The following TRMT11 variants were observed in gnomAD, a reference collection of about 807,000 sequenced individuals.
The protein encoded by TRMT11 is tRNA (guanine(10)-N(2))-methyltransferase TRMT11.
A neutral mutation model predicts 62.8 loss-of-function variants in TRMT11; 53 were observed. The ratio of observed to expected loss-of-function variants is 0.84; its 90% confidence interval spans 0.68 to 1.06. The LOEUF (loss-of-function observed/expected upper bound fraction) is 1.06. Among genes scored for constraint, TRMT11 ranks in the 50% least tolerant of loss-of-function variants. The probability of loss-of-function intolerance (pLI) is 0.00; values close to 1 mark genes in which losing one functional copy is unlikely to be tolerated. For missense variants in TRMT11, 556 were observed against 553.4 expected (o/e 1.00, Z -0.05); for synonymous variants, 188 against 190.3 (o/e 0.99, Z 0.10).
intron 1 of TRMT11, among the ~76,000 whole-genome samples, chr6:126,195,250 T>G (rs1167652263): frequency 6.6e-6 from 1 of 152,230 alleles, no homozygotes; most frequent in African/African-American, 2.4e-5. Context: ...AAGCAAAAGA[T>G]TCTTAGTGAA....
At chr6:126,260,391 T>TA in the TRMT11 span, among the ~76,000 whole-genome samples, 77 of 152,346 alleles carry the variant, frequency 5.1e-4, no homozygotes, top group South Asian at 3.7e-3. Context: ...CCCTAGCCAC[T>TA]AATTGTAACT....
the TRMT11 span, among the ~76,000 whole-genome samples, chr6:126,260,661 T>C: frequency 4.6e-5 from 7 of 152,332 alleles, no homozygotes; most frequent in South Asian, 1.4e-3. Context: ...TAAAGGTCTT[T>C]ATTTCTCTTT....
chr6:126,189,304 A>G (rs1374870244), intron 1 of TRMT11, among the ~76,000 whole-genome samples: 1 of 152,174 alleles, frequency 6.6e-6, no homozygotes, highest in Non-Finnish European at 1.5e-5. Context: ...TGTTCAAGAC[A>G]GTGCTTCACA....
intron 12 of TRMT11, among the ~76,000 whole-genome samples, chr6:126,026,059 A>T (rs1337392500): frequency 6.6e-6 from 1 of 152,238 alleles, no homozygotes. Flanking sequence ...AAATTGCCTG[A>T]TAAGAAGGGC....
chr6:126,062,130 T>C (rs1776552683), intron 17 of TRMT11, among the ~76,000 whole-genome samples: 1 of 152,172 alleles, frequency 6.6e-6, no homozygotes, highest in Non-Finnish European at 1.5e-5. Context: ...AAGAGATCCG[T>C]CCACCTTGGC....
At chr6:126,254,764 C>A in the TRMT11 span, among the ~76,000 whole-genome samples, 1 of 152,068 alleles carries the variant, frequency 6.6e-6, no homozygotes, top group African/African-American at 2.4e-5. Context: ...CTGTTAAATG[C>A]CATTAGCTCA....
At chr6:126,088,606 G>A (rs1229200224) in intron 17 of TRMT11, among the ~76,000 whole-genome samples, 1 of 152,166 alleles carries the variant, frequency 6.6e-6, no homozygotes, top group Non-Finnish European at 1.5e-5. Flanking sequence ...TCTATCAACT[G>A]CCCAGTAATT....
the TRMT11 span, among the ~76,000 whole-genome samples, chr6:126,241,089 T>C: frequency 2.6e-5 from 4 of 152,314 alleles, no homozygotes; most frequent in South Asian, 8.3e-4. Context: ...ATGACCTGAT[T>C]TTCCAGGTGC....
chr6:126,238,126 G>A, the TRMT11 span, among the ~76,000 whole-genome samples: 30 of 152,024 alleles, frequency 2.0e-4, no homozygotes, highest in African/African-American at 5.3e-4. Context: ...TCTTGCTAGC[G>A]GTCTATCAAT....
At position 126,004,189 on chromosome 6, in the gene TRMT11, G is replaced by T. The variant is rs182145192; in HGVS notation, c.680-4203G>T. On this transcript the variant is annotated intron_variant, in intron 7 of 12. Transcript: ENST00000334379. ...TTAAAAAATATGGTTGCCAGTATGG[G>T]TAATATTTTTTTGTTGAGTAGATGA... Among the ~76,000 whole-genome samples the T allele has an allele frequency of 1.1e-4, 16 of 152,064 alleles. No individual in the cohort carries two copies. The East Asian group carries it at 3.1e-3, about 29-fold the overall frequency.
chr6:126,240,809 G>A, the TRMT11 span, among the ~76,000 whole-genome samples: 4 of 152,242 alleles, frequency 2.6e-5, no homozygotes, highest in African/African-American at 4.8e-5. Flanking sequence ...CCCCAGAGGC[G>A]GAGTCTACAG....
At chr6:126,254,136 C>T in the TRMT11 span, among the ~76,000 whole-genome samples, 1 of 152,192 alleles carries the variant, frequency 6.6e-6, no homozygotes, top group African/African-American at 2.4e-5. Context: ...ATTGTAGCAT[C>T]CTTCAGCATC....
intron 21 of TRMT11, among the ~76,000 whole-genome samples, chr6:126,161,741 A>G (rs774580995): frequency 2.0e-5 from 3 of 152,198 alleles, no homozygotes; most frequent in Non-Finnish European, 4.4e-5. Context: ...TCTCTCCAGC[A>G]TCTGTTGTTT....
chr6:126,090,817 G>T (rs2128166827), intron 17 of TRMT11, among the ~76,000 whole-genome samples: 2 of 152,246 alleles, frequency 1.3e-5, no homozygotes, highest in East Asian at 3.9e-4. Flanking sequence ...GTTAATATGG[G>T]AAACAGTATC....
At chr6:126,210,783 C>G in the TRMT11 span, among the ~76,000 whole-genome samples, 1 of 152,198 alleles carries the variant, frequency 6.6e-6, no homozygotes, top group Admixed American at 6.5e-5. Context: ...TATCAACCAT[C>G]AAACTGGGAA....
At chr6:126,051,429 G>C (rs1478337461) in intron 16 of TRMT11, among the ~76,000 whole-genome samples, 1 of 152,128 alleles carries the variant, frequency 6.6e-6, no homozygotes, top group East Asian at 1.9e-4. Flanking sequence ...TTGCATTTCT[G>C]CTTGATTACC....
chr6:126,259,170 T>G, the TRMT11 span, among the ~76,000 whole-genome samples: 1 of 152,228 alleles, frequency 6.6e-6, no homozygotes, highest in South Asian at 2.1e-4. Context: ...TTTTTATGGC[T>G]GCATAGTATT....
chr6:126,104,442 C>G (rs569795648), intron 17 of TRMT11, among the ~76,000 whole-genome samples: 2 of 152,254 alleles, frequency 1.3e-5, no homozygotes, highest in Non-Finnish European at 1.5e-5. Context: ...CAGTCACTAT[C>G]AGGAAGCTGA....
chr6:126,180,321 A>G (rs1778443577), intron 1 of TRMT11, among the ~76,000 whole-genome samples: 1 of 152,220 alleles, frequency 6.6e-6, no homozygotes, highest in Non-Finnish European at 1.5e-5. Context: ...TATTCTGTAT[A>G]AGTGATAAAT....
Sources: gnomAD v4.1 joint callset for allele counts (sites outside exome capture counted in the v4.1 genomes callset) on GRCh38, gnomAD v4.1.1 for gene constraint, MANE v1.5 for transcripts, NCBI Gene and HGNC (gene_info 2026-07-23, HGNC 2026-07-21) for gene names.